Variants in ESRP1 observed in about 807,000 individuals in gnomAD.
The protein encoded by ESRP1 is RNA-binding motif protein 35A.
A neutral mutation model predicts 81.7 loss-of-function variants in ESRP1; 33 were observed. The observed-to-expected ratio is 0.40, with a 90% confidence interval of 0.31 to 0.54. ESRP1 has a LOEUF of 0.54. ESRP1 is among the 20% of genes least tolerant of loss of function. ESRP1 has a pLI of 0.41. For missense variants in ESRP1, 672 were observed against 833.1 expected (o/e 0.81, Z 2.38); for synonymous variants, 320 against 303.3 (o/e 1.06, Z -0.57).
chr8:94,684,847 G>A (rs1435203436), intron 13 of ESRP1, among the ~76,000 whole-genome samples: 1 of 152,046 alleles, frequency 6.6e-6, no homozygotes, highest in African/African-American at 2.4e-5. Flanking sequence ...CTGGAGCCCA[G>A]GAGTTCGAGA....
chr8:94,642,182 G>A, intron 2 of ESRP1, 98 bp downstream of exon 2: 1 of 1,442,146 alleles, frequency 6.9e-7, no homozygotes, highest in East Asian at 2.4e-5. Context: ...CCGGAGCAGG[G>A]TGGCGAGACG....
chr8:94,646,098 G>A (rs911641587), intron 3 of ESRP1, 70 bp from the exon 4 acceptor site: 16 of 760,376 alleles, frequency 2.1e-5, no homozygotes, highest in Non-Finnish European at 3.4e-5. Flanking sequence ...CAATTTTTAG[G>A]TTCCTAATTG....
intron 15 of ESRP1, among the ~76,000 whole-genome samples, chr8:94,700,792 G>T (rs1276082450): frequency 6.6e-6 from 1 of 152,026 alleles, no homozygotes; most frequent in Admixed American, 6.6e-5. Flanking sequence ...AGCTGGGTGT[G>T]GTGGTGGGCG....
At chr8:94,663,637 C>A (rs181703630) in intron 6 of ESRP1, among the ~76,000 whole-genome samples, 65 of 152,256 alleles carry the variant, frequency 4.3e-4, no homozygotes, top group Non-Finnish European at 4.6e-4. Context: ...GTTTGTAAAT[C>A]ACTCTAATGA....
chr8:94,677,183 C>T (rs1057265153), intron 12 of ESRP1, among the ~76,000 whole-genome samples: 1 of 152,140 alleles, frequency 6.6e-6, no homozygotes, highest in Non-Finnish European at 1.5e-5. Flanking sequence ...TCTTATTCAT[C>T]TCCATGGAAA....
At chr8:94,698,526 A>G (rs1459356826) in intron 15 of ESRP1, among the ~76,000 whole-genome samples, 3 of 152,230 alleles carry the variant, frequency 2.0e-5, no homozygotes, top group Non-Finnish European at 4.4e-5. Flanking sequence ...TTCTTTGAAA[A>G]TAGTCTTCCA....
intron 4 of ESRP1, among the ~76,000 whole-genome samples, chr8:94,648,802 T>C (rs1274840812): frequency 3.3e-5 from 5 of 152,192 alleles, no homozygotes; most frequent in African/African-American, 1.2e-4. Flanking sequence ...GTATCCTTGA[T>C]TGGTTGTTTT....
intron 4 of ESRP1, among the ~76,000 whole-genome samples, chr8:94,649,021 G>C (rs1318470789): frequency 6.6e-6 from 1 of 152,172 alleles, no homozygotes; most frequent in Non-Finnish European, 1.5e-5. Context: ...AAGAGTTCAA[G>C]ATCAGCCTTG....
At chr8:94,686,536 G>A (rs1417119906) in intron 13 of ESRP1, among the ~76,000 whole-genome samples, 1 of 152,256 alleles carries the variant, frequency 6.6e-6, no homozygotes, top group South Asian at 2.1e-4. Flanking sequence ...CCAGCTCAAG[G>A]ACAGTCTCCT....
chr8:94,641,844 G>T, intron 1 of ESRP1, 112 bp from the exon 2 acceptor site: 9 of 1,496,636 alleles, frequency 6.0e-6, no homozygotes, highest in Non-Finnish European at 8.0e-6. Context: ...TTGATTCTGC[G>T]TCCGGACCCC....
At chr8:94,669,399 C>G (rs1819192470) in intron 10 of ESRP1, among the ~76,000 whole-genome samples, 1 of 151,962 alleles carries the variant, frequency 6.6e-6, no homozygotes, top group Non-Finnish European at 1.5e-5. Context: ...CTTCTGCATC[C>G]CATTATATGT....
At chr8:94,678,073 G>C in intron 12 of ESRP1, 130 bp from the exon 13 acceptor site, 1 of 927,414 alleles carries the variant, frequency 1.1e-6, no homozygotes, top group South Asian at 1.8e-5. Flanking sequence ...AAATTGCTTG[G>C]GATAGGATAA....
chr8:94,657,650 T>C (rs1818504848), intron 4 of ESRP1, among the ~76,000 whole-genome samples: 1 of 152,140 alleles, frequency 6.6e-6, no homozygotes, highest in South Asian at 2.1e-4. Context: ...GGCACCAAGG[T>C]AGTAGCCAAA....
chr8:94,705,679 G>A (rs1810041630), intron 15 of ESRP1: 9 of 469,690 alleles, frequency 1.9e-5, no homozygotes, highest in Non-Finnish European at 3.4e-5. Context: ...ACTACAAAGG[G>A]TAGGAGTGGT....
intron 13 of ESRP1, among the ~76,000 whole-genome samples, chr8:94,688,052 G>A (rs369950129): frequency 2.6e-5 from 4 of 152,120 alleles, no homozygotes; most frequent in African/African-American, 4.8e-5. Flanking sequence ...TTCATTTTTT[G>A]TATGGTGTGA....
intron 4 of ESRP1, among the ~76,000 whole-genome samples, chr8:94,649,938 C>T (rs1465786790): frequency 6.6e-6 from 1 of 152,206 alleles, no homozygotes; most frequent in Non-Finnish European, 1.5e-5. Flanking sequence ...TGTCTACATG[C>T]TGCACCATTG....
At chr8:94,643,941 A>G (rs540564083) in intron 3 of ESRP1, among the ~76,000 whole-genome samples, 2 of 152,362 alleles carry the variant, frequency 1.3e-5, no homozygotes, top group East Asian at 1.9e-4. Flanking sequence ...TAAAAAGGCT[A>G]CTTAAATAAG....
At chr8:94,704,981 CTT>C (rs1307196921) in intron 15 of ESRP1, among the ~76,000 whole-genome samples, 4 of 151,958 alleles carry the variant, frequency 2.6e-5, no homozygotes, top group African/African-American at 9.7e-5. Flanking sequence ...CCATTACTAA[CTT>C]AATCATTCTG....
chr8:94,666,747 A>G (rs538811079), intron 9 of ESRP1, among the ~76,000 whole-genome samples: 1 of 152,254 alleles, frequency 6.6e-6, no homozygotes, highest in South Asian at 2.1e-4. Flanking sequence ...CAGAGTTCCC[A>G]AGCAATGTTT....
Sources: allele counts gnomAD v4.1 joint callset (sites outside exome capture counted in the v4.1 genomes callset), GRCh38; gene constraint gnomAD v4.1.1; transcripts MANE v1.5; gene names NCBI Gene and HGNC (gene_info 2026-07-23, HGNC 2026-07-21).